The following RIC8B variants were observed in gnomAD, a reference collection of about 807,000 sequenced individuals.
The protein encoded by RIC8B is chaperone Ric-8B.
A neutral mutation model predicts 57.5 loss-of-function variants in RIC8B; 16 were observed. That is an observed-to-expected ratio of 0.28 (90% confidence interval 0.19 to 0.42). The LOEUF is 0.42. Among genes scored for constraint, RIC8B ranks in the 10% least tolerant of loss-of-function variants. RIC8B has a pLI of 1.00. For missense variants in RIC8B, 481 were observed against 677.0 expected (o/e 0.71, Z 3.21); for synonymous variants, 216 against 250.8 (o/e 0.86, Z 1.31).
At chr12:106,839,061 A>G (rs544442779) in intron 4 of RIC8B, among the ~76,000 whole-genome samples, 2 of 152,268 alleles carry the variant, frequency 1.3e-5, no homozygotes, top group Admixed American at 6.5e-5. Context: ...ATCTTTTTAC[A>G]CTGTTGGTGG....
At chr12:106,866,458 T>A (rs1183457771) in intron 8 of RIC8B, among the ~76,000 whole-genome samples, 1 of 150,802 alleles carries the variant, frequency 6.6e-6, no homozygotes, top group Non-Finnish European at 1.5e-5. Context: ...GTATTCTGGG[T>A]TTTTCCCCCT....
chr12:106,849,451 C>T (rs1949362248), intron 6 of RIC8B, among the ~76,000 whole-genome samples: 1 of 148,256 alleles, frequency 6.7e-6, no homozygotes, highest in Admixed American at 6.7e-5. Flanking sequence ...CCATGCCCGG[C>T]CAAAAATTAA....
At chr12:106,798,148 TC>T in intron 2 of RIC8B, 1 of 585,546 alleles carries the variant, frequency 1.7e-6, no homozygotes, top group Non-Finnish European at 3.2e-6. Context: ...ATATCGTAGA[TC>T]TTTTTGATGC....
chr12:106,824,099 C>T (rs2045982031), intron 3 of RIC8B, among the ~76,000 whole-genome samples: 1 of 152,134 alleles, frequency 6.6e-6, no homozygotes, highest in South Asian at 2.1e-4. Flanking sequence ...CTTTGTTTTT[C>T]CCCTTTCCCC....
intron 2 of RIC8B, among the ~76,000 whole-genome samples, chr12:106,789,008 A>G (rs1189935520): frequency 6.6e-6 from 1 of 152,196 alleles, no homozygotes; most frequent in Non-Finnish European, 1.5e-5. Context: ...TTAAAGTGGA[A>G]TGCTTTTAAC....
In RIC8B at chr12:106,815,214, T is replaced by C. The variant is rs201260960; in HGVS notation, c.651T>C (p.Pro217=). 5 of 1,614,174 alleles carry C rather than the reference T, an allele frequency of 3.1e-6. No individual in the cohort carries two copies. Among genetic ancestry groups the C allele is most frequent in the Non-Finnish European group, 4.2e-6 (5 of 1,180,008 alleles). The stretch of plus-strand genomic sequence containing the variant: ...AATCGGCCATAGACCATAATGGACC[T>C]CCTCTCTCACCTCAGGAGACAGACT... The part of the protein sequence containing the change: ...EYESAIDHNG[P]PLSPQETDCA... The change falls in exon 3 of 10, where the codon CCT becomes CCC. Residue 217 remains proline, a synonymous_variant. Coordinates refer to ENST00000392837, the MANE Select transcript of RIC8B (RefSeq NM_001330145.2).
Position 106,879,932 on chromosome 12 carries a change from G to T in RIC8B, c.1572-5972G>T. 1.0e-6 allele frequency: 1 copy of T among 985,370 alleles called. No individual in the cohort carries two copies. Among genetic ancestry groups the T allele is most frequent in the African/African-American group, 1.7e-5 (1 of 57,346 alleles). 61.0% of individuals were successfully genotyped at this position (985,370 alleles called of 1,614,324 possible). A position where few individuals can be genotyped will look rare whatever the true frequency, so the allele number is the denominator to read the frequency against. On this transcript the variant is annotated intron_variant, in intron 9 of 9. Transcript: ENST00000392837. The surrounding 1 kb of genome is among the most constrained non-coding windows in gnomAD (Gnocchi z 4.9). Reference sequence around the variant, plus strand: ...GCAGTCTTAACTTGTGTTAAGGCCTGTGTGTAGCATTGAAGGTAAGTATGA... The same window carrying T: ...GCAGTCTTAACTTGTGTTAAGGCCTTTGTGTAGCATTGAAGGTAAGTATGA...
In RIC8B at chr12:106,879,418, G is replaced by C. The variant is rs1950819642; in HGVS notation, c.1572-6486G>C. Reference sequence around the variant, plus strand: ...GGAAAGAGTCATATAGGAACCAGAAGCCCTAAAAAGCAGAACCTTCTCTAA... The same window carrying C: ...GGAAAGAGTCATATAGGAACCAGAACCCCTAAAAAGCAGAACCTTCTCTAA... On this transcript the variant is annotated intron_variant, in intron 9 of 9. Coordinates refer to ENST00000392837, the MANE Select transcript of RIC8B (RefSeq NM_001330145.2). This position sits in a 1 kb window ranked among gnomAD's most constrained non-coding sequence, Gnocchi z 4.9. The C allele has an allele frequency of 2.0e-6, 2 of 985,010 alleles. No individual in the cohort carries two copies. Among genetic ancestry groups the C allele is most frequent in the Admixed American group, 6.2e-5 (1 of 16,226 alleles). 61.0% of individuals were successfully genotyped at this position (985,010 alleles called of 1,614,324 possible). A position where few individuals can be genotyped will look rare whatever the true frequency, so the allele number is the denominator to read the frequency against.
At chr12:106,826,561 C>G (rs1458617630) in intron 4 of RIC8B, among the ~76,000 whole-genome samples, 1 of 152,000 alleles carries the variant, frequency 6.6e-6, no homozygotes, top group Admixed American at 6.5e-5. Flanking sequence ...TGAGACCAGC[C>G]TGGCCAACAT....
chr12:106,794,433 G>A (rs983018217), intron 2 of RIC8B, among the ~76,000 whole-genome samples: 6 of 152,174 alleles, frequency 3.9e-5, no homozygotes, highest in Admixed American at 6.5e-5. Context: ...AAATTTATTG[G>A]AAACCTACAT....
chr12:106,849,417 C>T (rs1006228447), intron 6 of RIC8B, among the ~76,000 whole-genome samples: 2 of 149,040 alleles, frequency 1.3e-5, no homozygotes, highest in African/African-American at 4.9e-5. Context: ...TCTTCCAAAG[C>T]GCTGGGATTA....
intron 3 of RIC8B, 87 bp downstream of exon 3, chr12:106,815,391 T>G (rs2045528484): frequency 7.0e-7 from 1 of 1,424,644 alleles, no homozygotes; most frequent in East Asian, 2.3e-5. Flanking sequence ...AGAATACAAG[T>G]TGGGAAATGG....
At chr12:106,791,073 C>T (rs142180213) in intron 2 of RIC8B, among the ~76,000 whole-genome samples, 5 of 152,202 alleles carry the variant, frequency 3.3e-5, no homozygotes, top group African/African-American at 9.6e-5. Context: ...GTGACTTGTA[C>T]ATATTGTTTG....
chr12:106,864,855 A>G (rs1950076283), intron 8 of RIC8B, among the ~76,000 whole-genome samples: 1 of 152,084 alleles, frequency 6.6e-6, no homozygotes, highest in South Asian at 2.1e-4. Flanking sequence ...GGTAAGCACC[A>G]TTTTACTTTC....
intron 2 of RIC8B, among the ~76,000 whole-genome samples, chr12:106,808,470 T>G (rs1001985769): frequency 2.0e-5 from 3 of 152,228 alleles, no homozygotes; most frequent in African/African-American, 7.2e-5. Context: ...GAACAGTGCT[T>G]CTCAAATTAT....
chr12:106,797,042 A>G (rs1216004994), intron 2 of RIC8B, among the ~76,000 whole-genome samples: 1 of 152,232 alleles, frequency 6.6e-6, no homozygotes, highest in East Asian at 1.9e-4. Context: ...GAAGAAATCA[A>G]AATCCCCATA....
At chr12:106,785,037 C>G (rs1398080852) in intron 2 of RIC8B, among the ~76,000 whole-genome samples, 1 of 152,120 alleles carries the variant, frequency 6.6e-6, no homozygotes, top group Non-Finnish European at 1.5e-5. Flanking sequence ...ACAATCTGAC[C>G]ATGTCATCCT....
chr12:106,804,021 C>T (rs1320708602), intron 2 of RIC8B, among the ~76,000 whole-genome samples: 3 of 152,132 alleles, frequency 2.0e-5, no homozygotes, highest in Admixed American at 1.3e-4. Context: ...AAATAGCAGT[C>T]ATATCCAACT....
intron 8 of RIC8B, chr12:106,868,173 C>G: frequency 2.6e-6 from 1 of 384,506 alleles, no homozygotes; most frequent in South Asian, 2.0e-5. Context: ...TGCTGTGGTG[C>G]CCACAATAAG....
Sources: allele counts gnomAD v4.1 joint callset (sites outside exome capture counted in the v4.1 genomes callset), GRCh38; gene constraint gnomAD v4.1.1; non-coding constraint Gnocchi (gnomAD v3.1); transcripts MANE v1.5; gene names NCBI Gene and HGNC (gene_info 2026-07-23, HGNC 2026-07-21).